HS6ST3: variants seen among roughly 807,000 people sequenced by gnomAD.
HS6ST3 encodes the protein heparan-sulfate 6-O-sulfotransferase 3.
In HS6ST3, 12 loss-of-function variants were observed where a neutral mutation model predicts 36.7. The observed-to-expected ratio is 0.33, with a 90% CI of 0.21 to 0.53. HS6ST3 has a LOEUF of 0.53. HS6ST3 is among the 20% of genes least tolerant of loss of function. HS6ST3 has a pLI of 0.95. For missense variants in HS6ST3, 584 were observed against 640.9 expected (o/e 0.91, Z 0.96); for synonymous variants, 240 against 257.5 (o/e 0.93, Z 0.65).
chr13:96,354,652 G>A (rs1442020393), intron 1 of HS6ST3, among the ~76,000 whole-genome samples: 2 of 152,048 alleles, frequency 1.3e-5, no homozygotes, highest in African/African-American at 4.8e-5. Context: ...TAATGTACAT[G>A]TTACCATTAC....
chr13:96,460,164 T>C (rs1057327747), intron 1 of HS6ST3, among the ~76,000 whole-genome samples: 3 of 152,082 alleles, frequency 2.0e-5, no homozygotes, highest in African/African-American at 7.2e-5. Context: ...TTTCCCAGAA[T>C]TGAACCATTT....
At chr13:96,254,421 A>G (rs962911360) in intron 1 of HS6ST3, among the ~76,000 whole-genome samples, 1 of 11,088 alleles carries the variant, frequency 9.0e-5, no homozygotes, top group Non-Finnish European at 2.5e-4. Flanking sequence ...CTCAGAAAAA[A>G]AAAAAAAAAA....
At chr13:96,517,218 T>TA (rs34202709) in intron 1 of HS6ST3, among the ~76,000 whole-genome samples, 79 of 147,892 alleles carry the variant, frequency 5.3e-4, no homozygotes, top group African/African-American at 6.2e-4. Flanking sequence ...TGTTCCTATT[T>TA]AAAAAAAAAA....
chr13:96,387,351 G>C (rs1388974499), intron 1 of HS6ST3, among the ~76,000 whole-genome samples: 1 of 152,150 alleles, frequency 6.6e-6, no homozygotes, highest in East Asian at 1.9e-4. Flanking sequence ...ATGATCTTCA[G>C]AGTAAATAAT....
chr13:96,540,449 C>T (rs1258524526), intron 1 of HS6ST3, among the ~76,000 whole-genome samples: 1 of 150,546 alleles, frequency 6.6e-6, no homozygotes, highest in African/African-American at 2.5e-5. Flanking sequence ...TACATTGGAT[C>T]CATTTTATCT....
At position 96,517,823 on chromosome 13, in the gene HS6ST3, G is replaced by C. The variant is rs1220507738; in HGVS notation, c.708-314667G>C. 1.9e-4 allele frequency among the ~76,000 whole-genome samples: 29 copies of C among 152,032 alleles called. 1 individual carries two copies. The highest frequency in any genetic ancestry group is 1.9e-3 in the Admixed American group (29 of 15,264). On this transcript the variant is annotated intron_variant, in intron 1 of 1. Transcript: ENST00000376705. ...TGTGTCCATGAGTTCTCATCATTTA[G>C]CTCCCTCTTATAAGTGAAAACGTGC... is the stretch of plus-strand genomic sequence containing the variant.
intron 1 of HS6ST3, among the ~76,000 whole-genome samples, chr13:96,545,365 T>C (rs2056193987): frequency 6.6e-6 from 1 of 152,322 alleles, no homozygotes; most frequent in African/African-American, 2.4e-5. Context: ...CATCCTTCTA[T>C]GACCAACACT....
chr13:96,518,721 G>A (rs2056082227), intron 1 of HS6ST3, among the ~76,000 whole-genome samples: 1 of 152,136 alleles, frequency 6.6e-6, no homozygotes, highest in African/African-American at 2.4e-5. Context: ...TCTGGATTAA[G>A]ACAGGAATAA....
chr13:96,650,018 C>T (rs2056602224), intron 1 of HS6ST3, among the ~76,000 whole-genome samples: 1 of 151,902 alleles, frequency 6.6e-6, no homozygotes, highest in African/African-American at 2.4e-5. Context: ...CCTAAAGACT[C>T]ACTTGGCTAA....
chr13:96,688,756 G>A (rs1000048553), intron 1 of HS6ST3, among the ~76,000 whole-genome samples: 11 of 152,090 alleles, frequency 7.2e-5, no homozygotes, highest in Admixed American at 3.9e-4. Context: ...CCATCATCAT[G>A]CAAAGGACCC....
At position 96,813,456 on chromosome 13, in the gene HS6ST3, C is replaced by G. The variant is rs943816914; in HGVS notation, c.708-19034C>G. Among the ~76,000 whole-genome samples, 10 of 152,324 alleles carry G rather than the reference C, an allele frequency of 6.6e-5. No homozygotes were observed. The South Asian group carries it at 8.3e-4, about 13-fold the overall frequency. On this transcript the variant is annotated intron_variant, in intron 1 of 1. Transcript: ENST00000376705. ...ACAGCCTCCCCACTGGGGTTCCACTCTACTCCTGCCTCTGATATGTAGGAG... is the reference window on the plus strand; with the variant it reads ...ACAGCCTCCCCACTGGGGTTCCACTGTACTCCTGCCTCTGATATGTAGGAG...
chr13:96,435,733 T>A (rs372098598), intron 1 of HS6ST3, among the ~76,000 whole-genome samples: 2 of 152,326 alleles, frequency 1.3e-5, no homozygotes, highest in East Asian at 3.9e-4. Context: ...CAAACTCTAG[T>A]GTGATCTTTA....
intron 1 of HS6ST3, among the ~76,000 whole-genome samples, chr13:96,430,418 G>A (rs550887889): frequency 2.0e-5 from 3 of 152,246 alleles, no homozygotes; most frequent in East Asian, 1.9e-4. Context: ...TTTCCAGGAC[G>A]GTGTCTCCAT....
chr13:96,437,279 C>T (rs538879365), intron 1 of HS6ST3, among the ~76,000 whole-genome samples: 122 of 152,324 alleles, frequency 8.0e-4, no homozygotes, highest in Non-Finnish European at 1.0e-3. Flanking sequence ...CCTGGCCACC[C>T]ATTCTGCACT....
At chr13:96,382,316 A>G (rs1271015722) in intron 1 of HS6ST3, among the ~76,000 whole-genome samples, 1 of 152,160 alleles carries the variant, frequency 6.6e-6, no homozygotes, top group African/African-American at 2.4e-5. Flanking sequence ...ATTTCATTGC[A>G]ACTCTATTTC....
intron 1 of HS6ST3, among the ~76,000 whole-genome samples, chr13:96,796,820 T>C (rs1419261403): frequency 1.3e-5 from 2 of 152,088 alleles, no homozygotes; most frequent in African/African-American, 4.8e-5. Context: ...ATGGTGTTAT[T>C]ACTTGTCTAT....
chr13:96,737,724 T>C (rs1876323848), intron 1 of HS6ST3, among the ~76,000 whole-genome samples: 1 of 151,828 alleles, frequency 6.6e-6, no homozygotes, highest in South Asian at 2.1e-4. Context: ...CTGTTCAAAC[T>C]GTTTCAGATT....
At chr13:96,300,852 A>G (rs1262713635) in intron 1 of HS6ST3, among the ~76,000 whole-genome samples, 2 of 152,230 alleles carry the variant, frequency 1.3e-5, no homozygotes, top group Non-Finnish European at 2.9e-5. Flanking sequence ...AATGACCTCA[A>G]GAGAAATATT....
intron 1 of HS6ST3, among the ~76,000 whole-genome samples, chr13:96,364,808 T>A (rs2139437560): frequency 6.6e-6 from 1 of 152,330 alleles, no homozygotes; most frequent in Non-Finnish European, 1.5e-5. Flanking sequence ...GAGGGAATAC[T>A]ATTGGAAGAA....
Sources: gnomAD v4.1 joint callset for allele counts (sites outside exome capture counted in the v4.1 genomes callset) on GRCh38, gnomAD v4.1.1 for gene constraint, MANE v1.5 for transcripts, NCBI Gene and HGNC (gene_info 2026-07-23, HGNC 2026-07-21) for gene names.